Variants in ATM observed in about 807,000 individuals in gnomAD.
The protein encoded by ATM is serine-protein kinase ATM.
In ATM, 308 loss-of-function variants were observed where a neutral mutation model predicts 387.0. The observed-to-expected ratio is 0.80, with a 90% confidence interval of 0.73 to 0.87. ATM has a LOEUF of 0.87. Among genes scored for constraint, ATM ranks in the 40% least tolerant of loss-of-function variants. The pLI is 0.00. For synonymous variants in ATM, 1,156 were observed against 1,187.3 expected, an observed-to-expected ratio of 0.97 and a Z score of 0.54; for missense variants, 3,312 against 3,560.9, an observed-to-expected ratio of 0.93 and a Z score of 1.78.
intron 60 of ATM, among the ~76,000 whole-genome samples, 190 bp downstream of exon 60, chr11:108,354,070 A>AACACACAC (rs71047689): frequency 0.025 from 2,916 of 114,900 alleles, 116 homozygotes; most frequent in African/African-American, 0.08. Context: ...CACACACACA[A>AACACACAC]ACACACACAC....
At chr11:108,263,664 A>T (rs2081044780) in intron 16 of ATM, among the ~76,000 whole-genome samples, 2 of 149,576 alleles carry the variant, frequency 1.3e-5, no homozygotes, top group South Asian at 4.2e-4. Context: ...GACACAAAAA[A>T]CCCTTCAAAA....
chr11:108,341,966 G>A (rs2136902056), intron 56 of ATM, among the ~76,000 whole-genome samples: 1 of 152,244 alleles, frequency 6.6e-6, no homozygotes, highest in Non-Finnish European at 1.5e-5. Flanking sequence ...TAAATTCCTG[G>A]GTATATACCC....
Position 108,301,777 on chromosome 11 carries a change from A to G in ATM, c.5307A>G (p.Thr1769=). The change falls in exon 35 of 63, where the codon ACA becomes ACG. Residue 1769 remains threonine, a synonymous_variant. Coordinates refer to ENST00000675843, the MANE Select transcript of ATM (RefSeq NM_000051.4). ...PMLAYLQPFR[T]SRKKFLEVPR... ...TGGCCTATCTACAGCCTTTTAGAAC[A>G]TCAAGAAAAAAGGTCTCTTAAGTAA... is the stretch of plus-strand genomic sequence containing the variant. The G allele has an allele frequency of 6.2e-7, 1 of 1,613,572 alleles. No homozygotes were observed. The highest frequency in any genetic ancestry group is 8.5e-7 in the Non-Finnish European group (1 of 1,179,658).
chr11:108,314,092 AGG>A (rs1166246027), intron 40 of ATM, among the ~76,000 whole-genome samples: 2 of 152,072 alleles, frequency 1.3e-5, no homozygotes. Flanking sequence ...CAGACTTTGT[AGG>A]ACTGTATTTT....
Position 108,268,487 on chromosome 11 carries a change from TTGTG to T in ATM, c.2720_2723del (p.Cys907Ter), listed in dbSNP as rs786202695. The T allele has an allele frequency of 6.2e-7, 1 of 1,614,084 alleles. No individual in the cohort carries two copies. Among genetic ancestry groups the T allele is most frequent in the Non-Finnish European group, 8.5e-7 (1 of 1,179,982 alleles). On this transcript the variant is annotated frameshift_variant, in exon 18 of 63. Transcript: ENST00000675843. LOFTEE classifies it high-confidence loss of function. The stretch of plus-strand genomic sequence containing the variant: ...CTTAGACATGCTCAAGTTCTTGTGT[TTGTG>T]TGTAACTACTGCTCAGACCAATACT...
intron 31 of ATM, among the ~76,000 whole-genome samples, chr11:108,294,706 C>T (rs564243234): frequency 6.6e-6 from 1 of 152,144 alleles, no homozygotes; most frequent in East Asian, 1.9e-4. Flanking sequence ...CGCCACTGCA[C>T]TCTAGCCTTG....
intron 9 of ATM, among the ~76,000 whole-genome samples, chr11:108,249,702 A>G (rs2080033140): frequency 6.6e-6 from 1 of 152,202 alleles, no homozygotes; most frequent in Admixed American, 6.5e-5. Flanking sequence ...GAGGTTAAGC[A>G]ACTTCTGTAG....
rs188404773 is a variant in ATM at position 108,333,876 on chromosome 11, T to C, written c.7928-10T>C. On this transcript the variant is annotated splice_polypyrimidine_tract_variant and intron_variant, in intron 53 of 62. Transcript: ENST00000675843. ...GTTTGTCACTAAAATCTCTTCATTT[T>C]TAAATACAGAAGGCATAAATATTCC... 1.4e-4 allele frequency: 224 copies of C among 1,592,806 alleles called. 1 individual carries two copies. In the African/African-American group the frequency reaches 2.4e-3, roughly 17 times the overall value.
intron 8 of ATM, among the ~76,000 whole-genome samples, chr11:108,247,577 A>G (rs1206681832): frequency 1.3e-5 from 2 of 152,040 alleles, no homozygotes; most frequent in Non-Finnish European, 2.9e-5. Flanking sequence ...ATCATCACTA[A>G]TTCTGGAAAC....
chr11:108,318,286 C>T (rs1293409258), intron 43 of ATM, among the ~76,000 whole-genome samples: 1 of 151,730 alleles, frequency 6.6e-6, no homozygotes, highest in African/African-American at 2.4e-5. Flanking sequence ...TGCTAGAACA[C>T]GGGAGACGGA....
intron 22 of ATM, among the ~76,000 whole-genome samples, chr11:108,278,358 T>A (rs939065726): frequency 6.6e-6 from 1 of 152,196 alleles, no homozygotes; most frequent in Non-Finnish European, 1.5e-5. Flanking sequence ...CTTTAAGGAC[T>A]GAGGTAATAT....
At chr11:108,233,017 C>A (rs2079096131) in intron 4 of ATM, among the ~76,000 whole-genome samples, 1 of 152,160 alleles carries the variant, frequency 6.6e-6, no homozygotes, top group South Asian at 2.1e-4. Context: ...CATGCCCCAC[C>A]ATGCCCAGCT....
Position 108,346,768 on chromosome 11 carries a change from A to T in ATM, c.8585-511A>T, listed in dbSNP as rs576437475. On this transcript the variant is annotated intron_variant, in intron 58 of 62. Coordinates refer to ENST00000675843, the MANE Select transcript of ATM (RefSeq NM_000051.4). ...ATTTCTCCCATTAGTGCATGTCATC[A>T]TCTGTCTTAAATACAGAAATGCAGT... is the stretch of plus-strand genomic sequence containing the variant. Among the ~76,000 whole-genome samples, 6 of 152,222 alleles carry T rather than the reference A, an allele frequency of 3.9e-5. No homozygotes were observed. In the East Asian group the frequency reaches 1.2e-3, roughly 29 times the overall value.
In ATM at chr11:108,258,977, T is replaced by A. The variant is rs2080691443; in HGVS notation, c.2377-9T>A. 6.2e-7 allele frequency: 1 copy of A among 1,609,492 alleles called. No individual in the cohort carries two copies. The highest frequency in any genetic ancestry group is 1.3e-5 in the African/African-American group (1 of 74,964). Reference sequence around the variant, plus strand: ...TTGTTGCTTGGTTCTTTGTTTGTCTTAATTGCAGAAGAGTCCAAATAAGAT... The same window carrying A: ...TTGTTGCTTGGTTCTTTGTTTGTCTAAATTGCAGAAGAGTCCAAATAAGAT... On this transcript the variant is annotated splice_polypyrimidine_tract_variant and intron_variant, in intron 15 of 62. Coordinates refer to ENST00000675843, the MANE Select transcript of ATM (RefSeq NM_000051.4).
intron 8 of ATM, among the ~76,000 whole-genome samples, chr11:108,247,365 C>T (rs1219483728): frequency 2.0e-5 from 3 of 152,086 alleles, no homozygotes; most frequent in Non-Finnish European, 2.9e-5. Flanking sequence ...AAATGATTGT[C>T]TCTAGGAAAT....
At position 108,363,662 on chromosome 11, in the gene ATM, G is replaced by A. The variant is rs988884350; in HGVS notation, c.8851-1420G>A. Among the ~76,000 whole-genome samples, 5 of 152,194 alleles carry A rather than the reference G, an allele frequency of 3.3e-5. No homozygotes were observed. The East Asian group carries it at 9.6e-4, about 29-fold the overall frequency. The stretch of plus-strand genomic sequence containing the variant: ...AAATACCCCATCCAAAATGACAATA[G>A]TGCTGAGACTGAGAAACCCTGCTCT... On this transcript the variant is annotated intron_variant, in intron 61 of 62. Coordinates refer to ENST00000675843, the MANE Select transcript of ATM (RefSeq NM_000051.4).
At position 108,331,571 on chromosome 11, in the gene ATM, A is replaced by G. The variant is rs2136500635; in HGVS notation, c.7629+14A>G. On this transcript the variant is annotated intron_variant, in intron 51 of 62. Coordinates refer to ENST00000675843, the MANE Select transcript of ATM (RefSeq NM_000051.4). ...GTCCTCAATAATGTAAGTAAACCTG[A>G]AAATCAAACCACAATAATTATTTTT... 6.2e-7 allele frequency: 1 copy of G among 1,601,538 alleles called. No individual in the cohort carries two copies. Among genetic ancestry groups the G allele is most frequent in the Middle Eastern group, 1.7e-4 (1 of 5,776 alleles).
At chr11:108,251,612 A>G (rs1591526502) in intron 10 of ATM, among the ~76,000 whole-genome samples, 1 of 152,322 alleles carries the variant, frequency 6.6e-6, no homozygotes, top group South Asian at 2.1e-4. Flanking sequence ...TGTGCAATTT[A>G]TCATTATTTA....
chr11:108,284,240 G>A lies in ATM; in HGVS notation c.3760G>A (p.Val1254Ile), dbSNP rs753717865. The change falls in exon 26 of 63, where the codon GTT (valine) becomes ATT (isoleucine). Residue 1254 changes from valine to isoleucine, a missense_variant. Val to Ile is a conservative substitution (Grantham distance 29). Around this residue, in one of 4 missense-constraint regions of ATM, gnomAD observed 1,791 missense variants for 1,804.5 expected, o/e 0.99. Transcript: ENST00000675843. ...IEDFYRSCYKVLIPHLVIRSH... is the reference protein window; with the variant it reads ...IEDFYRSCYKILIPHLVIRSH... ...TTCTATTTTTAGATCTTGTTATAAG[G>A]TTTTGATTCCACATCTGGTGATTAG... The A allele has an allele frequency of 1.2e-6, 2 of 1,609,100 alleles. No homozygotes were observed. Among genetic ancestry groups the A allele is most frequent in the East Asian group, 4.5e-5 (2 of 44,812 alleles).
Sources: gnomAD v4.1 joint callset for allele counts (sites outside exome capture counted in the v4.1 genomes callset) on GRCh38, gnomAD v4.1.1 for gene constraint, gnomAD v4.1.1 regional missense constraint, MANE v1.5 for transcripts, NCBI Gene and HGNC (gene_info 2026-07-23, HGNC 2026-07-21) for gene names.